MYO5B: variants seen among roughly 807,000 people sequenced by gnomAD.
MYO5B encodes unconventional myosin-Vb.
Under a neutral mutation model 229.3 loss-of-function variants are expected in MYO5B, and 143 were observed. The observed-to-expected ratio is 0.62, with a 90% confidence interval of 0.54 to 0.72. MYO5B has a LOEUF of 0.72. Among genes scored for constraint, MYO5B ranks in the 30% least tolerant of loss-of-function variants. The pLI is 0.00. For synonymous variants in MYO5B, 918 were observed against 885.2 expected (o/e 1.04, Z -0.66); for missense variants, 2,321 against 2,331.0 (o/e 1.00, Z 0.09).
chr18:50,154,278 G>T (rs2032646315), intron 1 of MYO5B, among the ~76,000 whole-genome samples: 1 of 152,158 alleles, frequency 6.6e-6, no homozygotes. Flanking sequence ...ATCATATTGT[G>T]TGATTTTTTT....
chr18:50,105,976 C>T (rs1244818974), intron 1 of MYO5B, among the ~76,000 whole-genome samples: 2 of 152,086 alleles, frequency 1.3e-5, no homozygotes, highest in Middle Eastern at 3.2e-3. Context: ...ACCCTAGTCA[C>T]CCTCTCCAGC....
chr18:49,933,854 A>G (rs1192059951), intron 16 of MYO5B, among the ~76,000 whole-genome samples: 2 of 152,134 alleles, frequency 1.3e-5, no homozygotes, highest in African/African-American at 4.8e-5. Context: ...AATAATTCCT[A>G]TTCAGATTCT....
intron 4 of MYO5B, among the ~76,000 whole-genome samples, chr18:50,025,630 A>G (rs752813719): frequency 6.6e-6 from 1 of 152,232 alleles, no homozygotes; most frequent in Non-Finnish European, 1.5e-5. Context: ...GAGCTACTAG[A>G]CAGTGCAGTG....
At chr18:49,897,736 T>A (rs2024795578) in intron 21 of MYO5B, among the ~76,000 whole-genome samples, 1 of 152,242 alleles carries the variant, frequency 6.6e-6, no homozygotes, top group African/African-American at 2.4e-5. Context: ...AGGTTAATTA[T>A]TGAAGAAAAG....
chr18:49,955,384 A>G (rs1374831041), intron 12 of MYO5B, among the ~76,000 whole-genome samples: 3 of 152,210 alleles, frequency 2.0e-5, no homozygotes, highest in African/African-American at 7.2e-5. Flanking sequence ...CTCCTCTGTC[A>G]TCCCTGGTCA....
At chr18:50,126,266 A>C (rs2032161107) in intron 1 of MYO5B, among the ~76,000 whole-genome samples, 1 of 152,224 alleles carries the variant, frequency 6.6e-6, no homozygotes, top group African/African-American at 2.4e-5. Context: ...CAGGTCCTTT[A>C]CTATAATGCT....
intron 9 of MYO5B, among the ~76,000 whole-genome samples, chr18:49,976,093 T>C (rs1439399218): frequency 6.6e-6 from 1 of 152,250 alleles, no homozygotes; most frequent in Non-Finnish European, 1.5e-5. Context: ...GGAAAGCTGG[T>C]AGCCCAGGCT....
At chr18:50,185,014 G>A (rs2033128517) in intron 1 of MYO5B, among the ~76,000 whole-genome samples, 1 of 152,028 alleles carries the variant, frequency 6.6e-6, no homozygotes, top group Non-Finnish European at 1.5e-5. Flanking sequence ...GATTGAGGCT[G>A]TAGTGAGCCA....
intron 5 of MYO5B, among the ~76,000 whole-genome samples, chr18:49,999,018 T>C (rs1368334571): frequency 6.6e-6 from 1 of 152,266 alleles, no homozygotes; most frequent in African/African-American, 2.4e-5. Context: ...GTGTATTTTA[T>C]GATAAAATTG....
At chr18:49,871,943 A>C (rs2024460284) in intron 27 of MYO5B, among the ~76,000 whole-genome samples, 1 of 152,184 alleles carries the variant, frequency 6.6e-6, no homozygotes, top group African/African-American at 2.4e-5. Context: ...TTTAACTGAA[A>C]TTATATTGGG....
chr18:50,049,916 T>C (rs2030346814), intron 2 of MYO5B, among the ~76,000 whole-genome samples: 1 of 152,202 alleles, frequency 6.6e-6, no homozygotes, highest in African/African-American at 2.4e-5. Context: ...ATTGTGAATA[T>C]ACTTAATGCC....
At chr18:50,109,241 T>C (rs901237441) in intron 1 of MYO5B, among the ~76,000 whole-genome samples, 1 of 152,088 alleles carries the variant, frequency 6.6e-6, no homozygotes, top group African/African-American at 2.4e-5. Context: ...ACCACATACC[T>C]TTCCAAGAAA....
In MYO5B at chr18:49,875,607, T is replaced by C; in HGVS notation, c.3537+80A>G. ...GAGCACAATCCCATGTGGTCACACA[T>C]GCCACATGAGCCCTGGACACAAGAG... On this transcript the variant is annotated intron_variant, in intron 26 of 39. Coordinates refer to ENST00000285039, the MANE Select transcript of MYO5B (RefSeq NM_001080467.3). 2.5e-6 allele frequency: 4 copies of C among 1,576,640 alleles called. No homozygotes were observed. In the South Asian group the frequency reaches 3.3e-5, roughly 13 times the overall value.
intron 1 of MYO5B, among the ~76,000 whole-genome samples, chr18:50,118,341 G>A (rs2031999749): frequency 6.6e-6 from 1 of 152,124 alleles, no homozygotes; most frequent in Non-Finnish European, 1.5e-5. Context: ...CCCAATGAGA[G>A]TTGCAGAAAG....
chr18:50,044,226 G>A (rs2721081), intron 2 of MYO5B, among the ~76,000 whole-genome samples: 148,898 of 152,298 alleles, frequency 0.98, 72,884 homozygotes, highest in East Asian at 1. Context: ...ATGTGTGGAC[G>A]TCCAGAGGGA....
chr18:50,001,447 T>A (rs12969222), intron 4 of MYO5B, 36 bp from the exon 5 acceptor site: 29 of 1,612,708 alleles, frequency 1.8e-5, no homozygotes, highest in Admixed American at 1.3e-4. Flanking sequence ...TCATTGGCCA[T>A]GGAAAGGCTC....
At chr18:49,926,692 T>C (rs1023437062) in intron 17 of MYO5B, among the ~76,000 whole-genome samples, 2 of 152,196 alleles carry the variant, frequency 1.3e-5, no homozygotes, top group Non-Finnish European at 2.9e-5. Flanking sequence ...GCAAGGCAAA[T>C]CAGAGCATGA....
intron 18 of MYO5B, among the ~76,000 whole-genome samples, chr18:49,911,076 T>C (rs2024952331): frequency 6.6e-6 from 1 of 152,202 alleles, no homozygotes; most frequent in South Asian, 2.1e-4. Flanking sequence ...AAAACAAGTA[T>C]CTGGGGGAGG....
intron 4 of MYO5B, among the ~76,000 whole-genome samples, chr18:50,012,444 A>G (rs1275007276): frequency 6.6e-6 from 1 of 152,242 alleles, no homozygotes; most frequent in African/African-American, 2.4e-5. Flanking sequence ...TCCAAGTTCT[A>G]GCTATTCGCT....
Sources: gnomAD v4.1 joint callset for allele counts (sites outside exome capture counted in the v4.1 genomes callset) on GRCh38, gnomAD v4.1.1 for gene constraint, MANE v1.5 for transcripts, NCBI Gene and HGNC (gene_info 2026-07-23, HGNC 2026-07-21) for gene names.